Variants in CDC42BPA observed in about 807,000 individuals in gnomAD.
The protein encoded by CDC42BPA is CDC42 binding protein kinase alpha, also known as serine/threonine-protein kinase MRCK alpha.
CDC42BPA carries 80 observed loss-of-function variants against 223.5 expected under a neutral mutation model. That is an observed-to-expected ratio of 0.36 (90% CI 0.30 to 0.43). The LOEUF is 0.43. Ranked by LOEUF, CDC42BPA falls within the 20% of genes least tolerant of loss-of-function variation. The probability of loss-of-function intolerance (pLI) is 1.00; values close to 1 mark genes in which losing one functional copy is unlikely to be tolerated. For synonymous variants in CDC42BPA, 694 were observed against 718.6 expected (o/e 0.97, Z 0.55); for missense variants, 1,743 against 2,099.9 (o/e 0.83, Z 3.32).
rs758440240 is a variant in CDC42BPA, at chr1:227,051,865, T to C, written c.3009+16A>G. 8.8e-5 allele frequency: 117 copies of C among 1,333,112 alleles called. No individual in the cohort carries two copies. The highest frequency in any genetic ancestry group is 3.0e-4 in the Admixed American group (16 of 52,468). 82.6% of individuals were successfully genotyped at this position (1,333,112 alleles called of 1,614,324 possible). A position where few individuals can be genotyped will look rare whatever the true frequency, so the allele number is the denominator to read the frequency against. Reference sequence around the variant, plus strand: ...CAAGTGAAAAGTTGGGGAGCAGGGATGCTCCAATAAGGCACCTTAACTGGC... The same window carrying C: ...CAAGTGAAAAGTTGGGGAGCAGGGACGCTCCAATAAGGCACCTTAACTGGC... On this transcript the variant is annotated intron_variant, in intron 22 of 36. Coordinates refer to ENST00000366766, the MANE Select transcript of CDC42BPA (RefSeq NM_001394014.1).
At chr1:227,001,937 AAAAC>A (rs1662948337) in intron 35 of CDC42BPA, among the ~76,000 whole-genome samples, 1 of 151,914 alleles carries the variant, frequency 6.6e-6, no homozygotes, top group Non-Finnish European at 1.5e-5. Context: ...ACAAAAAACA[AAAAC>A]GCAAAACCAA....
intron 9 of CDC42BPA, among the ~76,000 whole-genome samples, chr1:227,141,599 T>G (rs781450735): frequency 1.6e-4 from 25 of 152,008 alleles, no homozygotes; most frequent in Non-Finnish European, 3.2e-4. Flanking sequence ...ATCCTTTCAG[T>G]GAAAGGAGAT....
chr1:227,097,058 C>CT (rs1684137881), intron 15 of CDC42BPA, among the ~76,000 whole-genome samples: 2 of 152,124 alleles, frequency 1.3e-5, no homozygotes, highest in Non-Finnish European at 2.9e-5. Context: ...AGGCCAACCC[C>CT]TTCATTATGA....
Position 227,189,137 on chromosome 1 carries a change from C to T in CDC42BPA, c.599+4649G>A, listed in dbSNP as rs116114841. Among the ~76,000 whole-genome samples the T allele has an allele frequency of 5.9e-3, 901 of 152,202 alleles. 10 individuals are homozygous for T. The highest frequency in any genetic ancestry group is 0.02 in the African/African-American group (848 of 41,538). On this transcript the variant is annotated intron_variant, in intron 5 of 36. Transcript: ENST00000366766. ...TTCTCTCCACCCTACTCTCTTTAGG[C>T]AACCATTTTTACAACTGCCGGTGTA...
rs369135398 is a variant in CDC42BPA, at chr1:227,241,281, T to C, written c.270+12783A>G. 7.6e-4 allele frequency among the ~76,000 whole-genome samples: 115 copies of C among 152,246 alleles called. 3 individuals are homozygous for C. In the South Asian group the frequency reaches 0.022, roughly 29 times the overall value. Reference sequence around the variant, plus strand: ...TGGTACAATCCAACTGGAAGTAGTATGCCAGTTTCTTTTAAATTTAAACAT... The same window carrying C: ...TGGTACAATCCAACTGGAAGTAGTACGCCAGTTTCTTTTAAATTTAAACAT... On this transcript the variant is annotated intron_variant, in intron 2 of 36. Coordinates refer to ENST00000366766, the MANE Select transcript of CDC42BPA (RefSeq NM_001394014.1).
chr1:227,195,140 A>G (rs1468827379), intron 4 of CDC42BPA, among the ~76,000 whole-genome samples: 3 of 152,222 alleles, frequency 2.0e-5, no homozygotes, highest in Non-Finnish European at 4.4e-5. Context: ...AGCAGAATAT[A>G]TTTAAAATCC....
chr1:227,175,480 ATACTT>A (rs146581997), intron 5 of CDC42BPA, among the ~76,000 whole-genome samples: 9,071 of 152,118 alleles, frequency 0.06, 271 homozygotes, highest in Non-Finnish European at 0.072. Flanking sequence ...GTAGTATCCT[ATACTT>A]TAACACAGCA....
intron 1 of CDC42BPA, among the ~76,000 whole-genome samples, chr1:227,276,922 G>C (rs1191011462): frequency 6.6e-6 from 1 of 151,964 alleles, no homozygotes; most frequent in Non-Finnish European, 1.5e-5. Flanking sequence ...CAAGTACCCA[G>C]GGACACAAAC....
intron 2 of CDC42BPA, among the ~76,000 whole-genome samples, chr1:227,227,074 A>G (rs1189805638): frequency 6.6e-6 from 1 of 152,186 alleles, no homozygotes; most frequent in Non-Finnish European, 1.5e-5. Flanking sequence ...ACACAATTGC[A>G]TAACTAAAAA....
At chr1:227,228,533 C>G (rs758849405) in intron 2 of CDC42BPA, among the ~76,000 whole-genome samples, 9 of 152,242 alleles carry the variant, frequency 5.9e-5, no homozygotes, top group Admixed American at 2.6e-4. Context: ...AATTCTCTTG[C>G]GTTTGTACAC....
intron 10 of CDC42BPA, among the ~76,000 whole-genome samples, chr1:227,138,396 G>C (rs1212604671): frequency 5.3e-5 from 8 of 151,738 alleles, no homozygotes; most frequent in Non-Finnish European, 1.2e-4. Context: ...TTCAATTAGA[G>C]ACTTGCTTCA....
chr1:227,273,857 GA>G (rs11295895), intron 1 of CDC42BPA, among the ~76,000 whole-genome samples: 67,581 of 133,816 alleles, frequency 0.51, 16,385 homozygotes, highest in East Asian at 0.65. Flanking sequence ...AAGAAACAAG[GA>G]AAAAAAAAAA....
intron 32 of CDC42BPA, among the ~76,000 whole-genome samples, chr1:227,019,927 G>A (rs1294996842): frequency 1.3e-5 from 2 of 150,538 alleles, no homozygotes; most frequent in Non-Finnish European, 3.0e-5. Context: ...ATGGAGTTTC[G>A]CCCTTGTTGC....
intron 1 of CDC42BPA, among the ~76,000 whole-genome samples, chr1:227,281,139 T>G (rs565152978): frequency 4.1e-4 from 63 of 152,218 alleles, no homozygotes; most frequent in Non-Finnish European, 7.9e-4. Context: ...TGTGAAAATC[T>G]AGGCCAAGCC....
At chr1:227,143,160 G>T in intron 8 of CDC42BPA, 136 bp from the exon 9 acceptor site, 1 of 460,502 alleles carries the variant, frequency 2.2e-6, no homozygotes, top group Non-Finnish European at 3.8e-6. Flanking sequence ...GGTAAGTTTG[G>T]TATAGTTGTT....
chr1:227,117,514 G>A (rs1441459974), intron 12 of CDC42BPA, among the ~76,000 whole-genome samples: 1 of 151,746 alleles, frequency 6.6e-6, no homozygotes, highest in Non-Finnish European at 1.5e-5. Flanking sequence ...GTCTCATTCT[G>A]TTGTTGCCTA....
At chr1:227,034,867 T>C (rs1669946392) in intron 25 of CDC42BPA, 73 bp from the exon 26 acceptor site, 1 of 1,387,088 alleles carries the variant, frequency 7.2e-7, no homozygotes, top group South Asian at 1.4e-5. Flanking sequence ...ACATATGTAA[T>C]TGCATGGTGA....
At chr1:227,198,054 A>G (rs1414482071) in intron 4 of CDC42BPA, among the ~76,000 whole-genome samples, 1 of 152,208 alleles carries the variant, frequency 6.6e-6, no homozygotes, top group African/African-American at 2.4e-5. Flanking sequence ...GGCTTATATG[A>G]TAATTCAGTA....
intron 2 of CDC42BPA, among the ~76,000 whole-genome samples, chr1:227,217,341 G>A (rs1222412054): frequency 6.6e-6 from 1 of 151,886 alleles, no homozygotes; most frequent in Non-Finnish European, 1.5e-5. Flanking sequence ...CAGCTACTAG[G>A]GAGGCTGAGG....
Sources: gnomAD v4.1 joint callset for allele counts (sites outside exome capture counted in the v4.1 genomes callset) on GRCh38, gnomAD v4.1.1 for gene constraint, MANE v1.5 for transcripts, NCBI Gene and HGNC (gene_info 2026-07-23, HGNC 2026-07-21) for gene names.